Variants in CHST8 observed in about 807,000 individuals in gnomAD.
CHST8 encodes GALNAC-4-ST1.
In CHST8, 10 loss-of-function variants were observed where a neutral mutation model predicts 15.0. The observed-to-expected ratio is 0.67, with a 90% CI of 0.41 to 1.13. CHST8 has a LOEUF of 1.13. CHST8 is among the 50% of genes most tolerant of loss of function. The pLI is 0.00. For synonymous variants in CHST8, 259 were observed against 256.6 expected, an observed-to-expected ratio of 1.01 and a Z score of -0.09; for missense variants, 634 against 608.2, an observed-to-expected ratio of 1.04 and a Z score of -0.45.
At chr19:33,682,184 G>GTTTTTT (rs1568325315) in intron 2 of CHST8, among the ~76,000 whole-genome samples, 11 of 121,884 alleles carry the variant, frequency 9.0e-5, no homozygotes, top group Admixed American at 2.5e-4. Context: ...GGTTTTTGTT[G>GTTTTTT]TTGTTTTTTT....
At chr19:33,728,530 C>G (rs1363233867) in intron 3 of CHST8, among the ~76,000 whole-genome samples, 2 of 152,240 alleles carry the variant, frequency 1.3e-5, no homozygotes, top group African/African-American at 4.8e-5. Context: ...AGCCAAGCCT[C>G]AAGTAACCAT....
At chr19:33,639,303 A>G (rs1972247394) in intron 1 of CHST8, among the ~76,000 whole-genome samples, 1 of 152,012 alleles carries the variant, frequency 6.6e-6, no homozygotes, top group Non-Finnish European at 1.5e-5. Context: ...ACGTGTAATT[A>G]AGAGGAGTTA....
At chr19:33,761,265 G>A (rs2145378820) in intron 3 of CHST8, among the ~76,000 whole-genome samples, 1 of 152,322 alleles carries the variant, frequency 6.6e-6, no homozygotes, top group African/African-American at 2.4e-5. Flanking sequence ...CACTTTGGGA[G>A]GCTGATGCAG....
chr19:33,625,402 C>A (rs913463845), intron 1 of CHST8, among the ~76,000 whole-genome samples: 4 of 151,968 alleles, frequency 2.6e-5, no homozygotes, highest in Middle Eastern at 3.4e-3. Context: ...TAGTGAGCAA[C>A]CGTGGCAATT....
At chr19:33,704,777 G>T (rs765335939) in intron 3 of CHST8, among the ~76,000 whole-genome samples, 11 of 152,052 alleles carry the variant, frequency 7.2e-5, no homozygotes, top group Admixed American at 1.3e-4. Context: ...GGAGTTGGTG[G>T]CAGGCACCTA....
intron 2 of CHST8, among the ~76,000 whole-genome samples, chr19:33,675,864 G>A (rs957931593): frequency 1.2e-4 from 18 of 152,196 alleles, no homozygotes; most frequent in Non-Finnish European, 5.9e-5. Context: ...TCCTTGAACC[G>A]GGAAGCATTG....
At chr19:33,656,558 C>T (rs1004548917) in intron 1 of CHST8, among the ~76,000 whole-genome samples, 3 of 152,194 alleles carry the variant, frequency 2.0e-5, no homozygotes, top group African/African-American at 7.2e-5. Flanking sequence ...TTTTTTGAGA[C>T]AGGGCTTTGC....
At chr19:33,764,394 C>T (rs1019705158) in intron 3 of CHST8, among the ~76,000 whole-genome samples, 2 of 152,274 alleles carry the variant, frequency 1.3e-5, no homozygotes, top group Non-Finnish European at 2.9e-5. Flanking sequence ...CAGCACTTTG[C>T]GAGGCCAAAG....
At chr19:33,648,593 G>A (rs1972385931) in intron 1 of CHST8, among the ~76,000 whole-genome samples, 2 of 152,110 alleles carry the variant, frequency 1.3e-5, no homozygotes. Flanking sequence ...AATTAAAGTT[G>A]ACTGGGCGTG....
chr19:33,748,419 G>A (rs972987035), intron 3 of CHST8, among the ~76,000 whole-genome samples: 2 of 152,226 alleles, frequency 1.3e-5, no homozygotes, highest in East Asian at 1.9e-4. Flanking sequence ...CTACCCGCTC[G>A]TTGGTGCCAG....
At chr19:33,678,716 G>A (rs1439414160) in intron 2 of CHST8, among the ~76,000 whole-genome samples, 1 of 152,140 alleles carries the variant, frequency 6.6e-6, no homozygotes, top group African/African-American at 2.4e-5. Context: ...TCCAGCCTGG[G>A]TAATAGAGTG....
At chr19:33,707,017 G>A (rs979984812) in intron 3 of CHST8, among the ~76,000 whole-genome samples, 6 of 152,202 alleles carry the variant, frequency 3.9e-5, no homozygotes, top group African/African-American at 1.2e-4. Context: ...CAGTGAGTAA[G>A]GTGATGGGGA....
intron 3 of CHST8, among the ~76,000 whole-genome samples, chr19:33,708,727 A>G (rs1367593110): frequency 1.3e-5 from 2 of 152,162 alleles, no homozygotes; most frequent in Non-Finnish European, 2.9e-5. Context: ...TTTCCATGTA[A>G]ATTTTAGGAT....
intron 2 of CHST8, among the ~76,000 whole-genome samples, chr19:33,685,466 C>T (rs1014311258): frequency 6.6e-6 from 1 of 151,536 alleles, no homozygotes; most frequent in South Asian, 2.1e-4. Flanking sequence ...GCTGGAAACT[C>T]GCTGGGGCTG....
intron 1 of CHST8, among the ~76,000 whole-genome samples, chr19:33,637,276 G>T (rs951718870): frequency 8.5e-5 from 13 of 152,134 alleles, no homozygotes; most frequent in Admixed American, 7.9e-4. Flanking sequence ...GACCATCTGG[G>T]AATGCAGCCC....
rs553000829 is a variant in CHST8, at chr19:33,662,150, G to A, written c.-163-5617G>A. 5.9e-5 allele frequency among the ~76,000 whole-genome samples: 9 copies of A among 152,088 alleles called. No homozygotes were observed. In the South Asian group the frequency reaches 1.5e-3, roughly 25 times the overall value. On this transcript the variant is annotated intron_variant, in intron 1 of 4. Coordinates refer to ENST00000650847, the MANE Select transcript of CHST8 (RefSeq NM_001127895.2). ...GGCTGGAGTGCAGTGGCATGACCTC[G>A]GCTCACTGCAGCCTCAGCTTCCTGG... is the stretch of plus-strand genomic sequence containing the variant.
Position 33,731,696 on chromosome 19 carries a change from T to C in CHST8, c.131-39717T>C, listed in dbSNP as rs115386314. On this transcript the variant is annotated intron_variant, in intron 3 of 4. Coordinates refer to ENST00000650847, the MANE Select transcript of CHST8 (RefSeq NM_001127895.2). ...GTATCTATACAAGATGGAGTCACTC[T>C]AGTTCAAACGCCTTTGACAGATGTG... Among the ~76,000 whole-genome samples, 938 of 152,334 alleles carry C rather than the reference T, an allele frequency of 6.2e-3. 6 individuals carry two copies. The highest frequency in any genetic ancestry group is 0.024 in the Middle Eastern group (7 of 294).
At chr19:33,688,022 G>A (rs752163047) in intron 2 of CHST8, among the ~76,000 whole-genome samples, 1 of 152,174 alleles carries the variant, frequency 6.6e-6, no homozygotes, top group Non-Finnish European at 1.5e-5. Flanking sequence ...TCCCTCCAGC[G>A]CTCTTGGGTG....
intron 3 of CHST8, among the ~76,000 whole-genome samples, chr19:33,768,462 A>AT (rs914349259): frequency 4.0e-5 from 6 of 151,776 alleles, no homozygotes; most frequent in Admixed American, 6.6e-5. Flanking sequence ...ATTTTATTTT[A>AT]TTTTTTTGAG....
Sources: gnomAD v4.1 joint callset for allele counts (sites outside exome capture counted in the v4.1 genomes callset) on GRCh38, gnomAD v4.1.1 for gene constraint, MANE v1.5 for transcripts, NCBI Gene and HGNC (gene_info 2026-07-23, HGNC 2026-07-21) for gene names.